Variants in ANP32B observed in about 807,000 individuals in gnomAD.
ANP32B encodes acidic nuclear phosphoprotein 32 family member B.
In ANP32B, 6 loss-of-function variants were observed where a neutral mutation model predicts 32.2. That is an observed-to-expected ratio of 0.19 (90% CI 0.10 to 0.37). ANP32B has a LOEUF of 0.37. Among genes scored for constraint, ANP32B ranks in the 10% least tolerant of loss-of-function variants. The probability of loss-of-function intolerance (pLI) is 1.00; values close to 1 mark genes in which losing one functional copy is unlikely to be tolerated. For missense variants in ANP32B, 204 were observed against 289.2 expected (o/e 0.71, Z 2.14); for synonymous variants, 98 against 105.8 (o/e 0.93, Z 0.45).
At chr9:98,004,919 T>C (rs761986079) in intron 3 of ANP32B, 45 bp from the exon 4 acceptor site, 3 of 1,483,768 alleles carry the variant, frequency 2.0e-6, no homozygotes, top group East Asian at 2.3e-5. Context: ...TTGTTACTTA[T>C]ATTCCTTTGG....
intron 3 of ANP32B, among the ~76,000 whole-genome samples, chr9:98,001,066 G>C (rs1452612134): frequency 6.6e-6 from 1 of 151,954 alleles, no homozygotes; most frequent in Non-Finnish European, 1.5e-5. Context: ...TTTAACTGCT[G>C]ATGCTTTCCC....
intron 4 of ANP32B, among the ~76,000 whole-genome samples, chr9:98,010,776 C>T (rs1447237686): frequency 6.6e-6 from 1 of 152,042 alleles, no homozygotes; most frequent in Non-Finnish European, 1.5e-5. Flanking sequence ...ATGGGTGTTT[C>T]TCAGGTTCCT....
chr9:98,005,963 G>T (rs1828075087), intron 4 of ANP32B, among the ~76,000 whole-genome samples: 1 of 152,142 alleles, frequency 6.6e-6, no homozygotes, highest in Non-Finnish European at 1.5e-5. Context: ...TACTGTCTGG[G>T]CTCCACCTCC....
rs972090250 is a variant in ANP32B, at chr9:97,983,370, CGTGA to C, written c.-183_-180del. The C allele has an allele frequency of 2.7e-5, 15 of 557,440 alleles. No homozygotes were observed. Among genetic ancestry groups the C allele is most frequent in the African/African-American group, 1.6e-4 (8 of 49,054 alleles). 34.5% of individuals were successfully genotyped at this position (557,440 alleles called of 1,614,324 possible). ...TCCCTCCATGGTTTCTCTCCGCTCC[CGTGA>C]GTAACTTGGCTCCGGGGGCTCCGCT... On this transcript the variant is annotated 5_prime_UTR_variant, in exon 1 of 7. The change abolishes the stop of an existing upstream ORF in the 5' untranslated region. Transcript: ENST00000339399.
chr9:97,984,923 C>T (rs1827686052), intron 1 of ANP32B, among the ~76,000 whole-genome samples: 1 of 151,050 alleles, frequency 6.6e-6, no homozygotes, highest in Admixed American at 6.6e-5. Flanking sequence ...TTGAGAGCGG[C>T]CTGGTGCGGT....
At position 97,998,945 on chromosome 9, in the gene ANP32B, C is replaced by T. The variant is rs1218303452; in HGVS notation, c.327+267C>T. 5.7e-5 allele frequency among the ~76,000 whole-genome samples: 4 copies of T among 69,710 alleles called. 1 individual carries two copies. Among genetic ancestry groups the T allele is most frequent in the African/African-American group, 4.9e-4 (4 of 8,168 alleles). The allele number at this position is 69,710 out of a possible 152,430, so 45.7% of individuals were successfully genotyped here. A position where few individuals can be genotyped will look rare whatever the true frequency, so the allele number is the denominator to read the frequency against. ...GCCTCAGCCTCCCAAGTAGCTGGGA[C>T]TACAGGCGCCCGCCACTACGCCCGG... is the stretch of plus-strand genomic sequence containing the variant. On this transcript the variant is annotated intron_variant, in intron 3 of 6. Coordinates refer to ENST00000339399, the MANE Select transcript of ANP32B (RefSeq NM_006401.3).
intron 4 of ANP32B, among the ~76,000 whole-genome samples, chr9:98,009,240 TTTTACAGA>T (rs1828139866): frequency 6.6e-6 from 1 of 152,196 alleles, no homozygotes. Flanking sequence ...TTTATACATA[TTTTACAGA>T]TTTACAGATT....
intron 3 of ANP32B, among the ~76,000 whole-genome samples, chr9:97,999,616 C>T (rs528823665): frequency 6.6e-6 from 1 of 152,330 alleles, no homozygotes; most frequent in African/African-American, 2.4e-5. Context: ...CTCTCTGGGC[C>T]TCAGTTTCCT....
rs980403516 is a variant in ANP32B at position 97,983,347 on chromosome 9, C to T, written c.-209C>T. 5 of 520,174 alleles carry T rather than the reference C, an allele frequency of 9.6e-6. No individual in the cohort carries two copies. Among genetic ancestry groups the T allele is most frequent in the African/African-American group, 2.1e-5 (1 of 48,248 alleles). 32.2% of individuals were successfully genotyped at this position (520,174 alleles called of 1,614,324 possible). On this transcript the variant is annotated 5_prime_UTR_variant, in exon 1 of 7. Coordinates refer to ENST00000339399, the MANE Select transcript of ANP32B (RefSeq NM_006401.3). Reference sequence around the variant, plus strand: ...AGCGCTGCGCTCCAGCCCCCTTTTCCCTCCATGGTTTCTCTCCGCTCCCGT... The same window carrying T: ...AGCGCTGCGCTCCAGCCCCCTTTTCTCTCCATGGTTTCTCTCCGCTCCCGT...
intron 2 of ANP32B, among the ~76,000 whole-genome samples, chr9:97,996,044 G>T (rs528307834): frequency 6.6e-6 from 1 of 151,614 alleles, no homozygotes; most frequent in Admixed American, 6.6e-5. Context: ...AGCAGTCTTC[G>T]TGAGTTTCAG....
chr9:97,995,112 T>C (rs1161408978), intron 2 of ANP32B, among the ~76,000 whole-genome samples: 5 of 152,252 alleles, frequency 3.3e-5, no homozygotes, highest in African/African-American at 1.2e-4. Context: ...ATTTGTTAAT[T>C]GTTATAAAAA....
intron 4 of ANP32B, among the ~76,000 whole-genome samples, chr9:98,010,263 TTTTTTTTTTTTTG>T (rs1290068906): frequency 3.5e-5 from 1 of 28,492 alleles, no homozygotes; most frequent in Non-Finnish European, 7.9e-5. Context: ...AGAAATGGTG[TTTTTTTTTTTTTG>T]TTTTTTTTTT....
chr9:97,984,001 G>A (rs1193441143), intron 1 of ANP32B, among the ~76,000 whole-genome samples: 3 of 150,360 alleles, frequency 2.0e-5, no homozygotes, highest in African/African-American at 7.3e-5. Context: ...GCCTGCCGAG[G>A]AGCTGCGCGG....
intron 1 of ANP32B, among the ~76,000 whole-genome samples, chr9:97,990,479 T>C (rs937653849): frequency 5.9e-5 from 9 of 152,342 alleles, no homozygotes; most frequent in Admixed American, 1.3e-4. Flanking sequence ...TATTCCCCAG[T>C]GACTCATCTT....
chr9:97,984,225 G>A (rs916576945), intron 1 of ANP32B, among the ~76,000 whole-genome samples: 1 of 150,642 alleles, frequency 6.6e-6, no homozygotes, highest in African/African-American at 2.4e-5. Context: ...GGCGCGGCCC[G>A]GCGCGCGGAG....
At chr9:97,985,058 C>G (rs1316098059) in intron 1 of ANP32B, among the ~76,000 whole-genome samples, 6 of 148,932 alleles carry the variant, frequency 4.0e-5, no homozygotes. Flanking sequence ...GGCTGCCCGC[C>G]GTCGCGAGCC....
At chr9:98,011,719 G>A (rs1054904162) in intron 5 of ANP32B, among the ~76,000 whole-genome samples, 2 of 152,188 alleles carry the variant, frequency 1.3e-5, no homozygotes, top group Non-Finnish European at 2.9e-5. Flanking sequence ...TCATTGAATT[G>A]TAGGGAAGTT....
chr9:98,005,075 G>A lies in ANP32B; in HGVS notation c.439G>A (p.Gly147Ser), dbSNP rs1283264647. The A allele has an allele frequency of 1.2e-5, 20 of 1,614,098 alleles. No individual in the cohort carries two copies. The highest frequency in any genetic ancestry group is 1.6e-5 in the Non-Finnish European group (19 of 1,180,020). Reference sequence around the variant, plus strand: ...CCTGCCCCAGCTTACCTACTTGGATGGCTATGACCGAGAGGACCAGGAAGC... The same window carrying A: ...CCTGCCCCAGCTTACCTACTTGGATAGCTATGACCGAGAGGACCAGGAAGC... ...KLLPQLTYLD[G>S]YDREDQEAPD... Residue 147 changes from glycine to serine, a missense_variant, in exon 4 of 7, where the codon GGC (glycine) becomes AGC (serine). Physicochemically the swap from Gly to Ser is moderately conservative, Grantham distance 56. Transcript: ENST00000339399.
In ANP32B at chr9:98,015,510, A is replaced by G. The variant is rs1281047054; in HGVS notation, c.*79A>G. The G allele has an allele frequency of 6.7e-7, 1 of 1,492,580 alleles. No homozygotes were observed. Among genetic ancestry groups the G allele is most frequent in the African/African-American group, 1.4e-5 (1 of 70,066 alleles). The allele number at this position is 1,492,580 out of a possible 1,614,324, so 92.5% of individuals were successfully genotyped here. A position where few individuals can be genotyped will look rare whatever the true frequency, so the allele number is the denominator to read the frequency against. On this transcript the variant is annotated 3_prime_UTR_variant, in exon 7 of 7. Coordinates refer to ENST00000339399, the MANE Select transcript of ANP32B (RefSeq NM_006401.3). ...TGGATTTTGTAGCTGTTTAAAAAAA[A>G]AAAAAAGGTAGCTGTGATACAAACC... is the stretch of plus-strand genomic sequence containing the variant.
Sources: allele counts gnomAD v4.1 joint callset (sites outside exome capture counted in the v4.1 genomes callset), GRCh38; gene constraint gnomAD v4.1.1; transcripts MANE v1.5; gene names NCBI Gene and HGNC (gene_info 2026-07-23, HGNC 2026-07-21).